The following SYNJ2 variants were observed in gnomAD, a reference collection of about 807,000 sequenced individuals.
The protein encoded by SYNJ2 is polyphosphatidylinositol phosphatase SYNJ2.
A neutral mutation model predicts 141.3 loss-of-function variants in SYNJ2; 116 were observed. That is an observed-to-expected ratio of 0.82 (90% CI 0.71 to 0.96). The LOEUF (loss-of-function observed/expected upper bound fraction) is 0.96, where lower values mean the gene tolerates loss of function less well. SYNJ2 is among the 40% of genes least tolerant of loss of function. SYNJ2 has a pLI of 0.00. For synonymous variants in SYNJ2, 745 were observed against 777.7 expected, an observed-to-expected ratio of 0.96 and a Z score of 0.70; for missense variants, 1,873 against 1,934.8, an observed-to-expected ratio of 0.97 and a Z score of 0.60.
At chr6:158,083,782 G>A (rs555218411) in intron 21 of SYNJ2, among the ~76,000 whole-genome samples, 185 bp downstream of exon 21, 4 of 152,272 alleles carry the variant, frequency 2.6e-5, no homozygotes, top group East Asian at 3.9e-4. Context: ...CCTGGGACCC[G>A]AGGCATCTAA....
At chr6:158,087,695 C>T (rs1336275619) in intron 23 of SYNJ2, among the ~76,000 whole-genome samples, 2 of 152,074 alleles carry the variant, frequency 1.3e-5, no homozygotes, top group Non-Finnish European at 2.9e-5. Context: ...AATGGCAAGC[C>T]ACAAGCCCAG....
chr6:158,034,517 G>A (rs1027448445), intron 4 of SYNJ2, among the ~76,000 whole-genome samples: 10 of 152,206 alleles, frequency 6.6e-5, no homozygotes, highest in African/African-American at 2.4e-4. Context: ...CCTTTACTGT[G>A]TGGGACTTTC....
intron 2 of SYNJ2, among the ~76,000 whole-genome samples, chr6:158,025,616 C>T (rs923260645): frequency 1.5e-4 from 23 of 152,014 alleles, no homozygotes; most frequent in African/African-American, 5.3e-4. Flanking sequence ...GCTGAGATTG[C>T]ACCACTCCAC....
intron 3 of SYNJ2, 130 bp from the exon 4 acceptor site, chr6:158,033,325 G>T: frequency 5.5e-6 from 5 of 907,126 alleles, no homozygotes; most frequent in Non-Finnish European, 8.4e-6. Flanking sequence ...CCACTGGGGA[G>T]CAGCATGCAT....
intron 25 of SYNJ2, among the ~76,000 whole-genome samples, 162 bp from the exon 26 acceptor site, chr6:158,092,764 T>TA (rs1483767355): frequency 1.3e-5 from 2 of 151,782 alleles, no homozygotes; most frequent in African/African-American, 2.4e-5. Flanking sequence ...GAGCCCATCT[T>TA]AAAAAAGAAA....
intron 1 of SYNJ2, among the ~76,000 whole-genome samples, chr6:157,994,969 C>A (rs562031099): frequency 3.3e-5 from 5 of 152,202 alleles, no homozygotes; most frequent in African/African-American, 7.2e-5. Context: ...TCTGAATCTA[C>A]GGCATGGGGG....
intron 15 of SYNJ2, among the ~76,000 whole-genome samples, chr6:158,073,341 G>GC (rs56970835): frequency 0.71 from 107,500 of 151,322 alleles, 38,432 homozygotes; most frequent in East Asian, 0.88. Flanking sequence ...GGGATTACAG[G>GC]CGTGCACCAC....
rs201847878 is a variant in SYNJ2, at chr6:158,028,850, C to T, written c.309C>T (p.Asp103=). ...DAEIYKITAT[D]FYPLQEEAKE... is the part of the protein sequence containing the mutation. ...AAATCTACAAAATCACTGCCACTGA[C>T]TTTTACCCTCTTCAGGAAGAGGCCA... Residue 103 remains aspartate (D), a synonymous_variant, in exon 3 of 27, where the codon GAC becomes GAT. Coordinates refer to ENST00000355585, the MANE Select transcript of SYNJ2 (RefSeq NM_003898.4). 7 of 1,614,056 alleles carry T rather than the reference C, an allele frequency of 4.3e-6. No homozygotes were observed. In the Admixed American group the frequency reaches 1.0e-4, roughly 23 times the overall value.
At position 158,071,853 on chromosome 6, in the gene SYNJ2, C is replaced by T; in HGVS notation, c.2133+59C>T. 2 of 1,565,272 alleles carry T rather than the reference C, an allele frequency of 1.3e-6. No homozygotes were observed. The highest frequency in any genetic ancestry group is 1.7e-6 in the Non-Finnish European group (2 of 1,156,008). ...CTGCTCAGCTCAGTCCCAAATGTGA[C>T]TGTTGATAGGAGCCAGGCACTGGGG... On this transcript the variant is annotated intron_variant, in intron 15 of 26. Transcript: ENST00000355585. This position sits in a 1 kb window ranked among gnomAD's most constrained non-coding sequence, Gnocchi z 4.3.
chr6:158,045,840 G>A (rs1583397986), intron 5 of SYNJ2, among the ~76,000 whole-genome samples: 1 of 152,232 alleles, frequency 6.6e-6, no homozygotes, highest in South Asian at 2.1e-4. Context: ...GGGGCCAGGA[G>A]CAGTGGACCA....
intron 6 of SYNJ2, 52 bp downstream of exon 6, chr6:158,055,080 G>A (rs573163240): frequency 5.0e-6 from 8 of 1,595,210 alleles, no homozygotes; most frequent in Admixed American, 1.7e-5. Flanking sequence ...CTTAGACATC[G>A]TCCTCCCATC....
At chr6:158,022,387 G>T (rs1478902315) in intron 2 of SYNJ2, among the ~76,000 whole-genome samples, 1 of 152,190 alleles carries the variant, frequency 6.6e-6, no homozygotes, top group Non-Finnish European at 1.5e-5. Context: ...CCTTGGGTCT[G>T]CAAGCCACGT....
Position 158,093,046 on chromosome 6 carries a change from G to A in SYNJ2, c.3686G>A (p.Arg1229His), listed in dbSNP as rs764093717. The part of the protein sequence containing the change: ...ETPQAPPLLP[R>H]RPPPRVPAIK... ...CCACAGGCGCCCCCACTCCTTCCCCGTCGGCCCCCACCCAGAGTTCCTGCC... is the reference window on the plus strand; with the variant it reads ...CCACAGGCGCCCCCACTCCTTCCCCATCGGCCCCCACCCAGAGTTCCTGCC... The change falls in exon 26 of 27, where the codon CGT (arginine) becomes CAT (histidine). Residue 1229 changes from arginine to histidine, a missense_variant. Coordinates refer to ENST00000355585, the MANE Select transcript of SYNJ2 (RefSeq NM_003898.4). 17 of 1,609,104 alleles carry A rather than the reference G, an allele frequency of 1.1e-5. No individual in the cohort carries two copies. The highest frequency in any genetic ancestry group is 5.4e-5 in the African/African-American group (4 of 74,280).
chr6:157,994,102 G>T (rs1562311324), intron 1 of SYNJ2, among the ~76,000 whole-genome samples: 1 of 152,100 alleles, frequency 6.6e-6, no homozygotes, highest in Non-Finnish European at 1.5e-5. Flanking sequence ...TTACAGGTGT[G>T]AGCCACCACA....
At chr6:158,087,059 A>G (rs1783096251) in intron 23 of SYNJ2, 70 bp downstream of exon 23, 5 of 1,535,142 alleles carry the variant, frequency 3.3e-6, no homozygotes, top group Non-Finnish European at 4.4e-6. Context: ...TGCTACTGAA[A>G]ACACGGCTCC....
At chr6:158,020,898 G>A (rs892193462) in intron 2 of SYNJ2, among the ~76,000 whole-genome samples, 3 of 152,182 alleles carry the variant, frequency 2.0e-5, no homozygotes, top group Non-Finnish European at 2.9e-5. Context: ...ATTAGAAATC[G>A]AGAAATATGC....
chr6:158,091,374 T>C (rs1182401897), intron 25 of SYNJ2, among the ~76,000 whole-genome samples: 2 of 151,102 alleles, frequency 1.3e-5, no homozygotes, highest in South Asian at 2.1e-4. Flanking sequence ...ACAACCCAAG[T>C]GTCCATCAGC....
At chr6:158,065,680 C>T (rs1167197184) in intron 11 of SYNJ2, among the ~76,000 whole-genome samples, 6 of 152,294 alleles carry the variant, frequency 3.9e-5, no homozygotes, top group East Asian at 1.9e-4. Context: ...AATGGGTTCA[C>T]GGCCCTTTCC....
At chr6:158,087,417 C>T (rs1350266687) in intron 23 of SYNJ2, among the ~76,000 whole-genome samples, 1 of 152,232 alleles carries the variant, frequency 6.6e-6, no homozygotes, top group Non-Finnish European at 1.5e-5. Context: ...CCCCTCTGCG[C>T]TCCGAGGCCT....
Sources: gnomAD v4.1 joint callset for allele counts (sites outside exome capture counted in the v4.1 genomes callset) on GRCh38, gnomAD v4.1.1 for gene constraint, Gnocchi (gnomAD v3.1) non-coding constraint, MANE v1.5 for transcripts, NCBI Gene and HGNC (gene_info 2026-07-23, HGNC 2026-07-21) for gene names.